G2E3: variants seen among roughly 807,000 people sequenced by gnomAD.
The protein encoded by G2E3 is G2/M phase-specific E3 ubiquitin-protein ligase.
A neutral mutation model predicts 92.8 loss-of-function variants in G2E3; 35 were observed. That is an observed-to-expected ratio of 0.38 (90% CI 0.29 to 0.50). The LOEUF is 0.50. Ranked by LOEUF, G2E3 falls within the 20% of genes least tolerant of loss-of-function variation. G2E3 has a pLI of 0.94. For missense variants in G2E3, 554 were observed against 823.8 expected (o/e 0.67, Z 4.01); for synonymous variants, 242 against 272.4 (o/e 0.89, Z 1.10).
rs61740181 is a variant in G2E3 at position 30,616,337 on chromosome 14, A to G, written c.1924A>G (p.Ile642Val). The change falls in exon 15 of 15, where the codon ATT becomes GTT. Residue 642 changes from isoleucine (I) to valine (V), a missense_variant. Physicochemically the swap from Ile to Val is conservative, Grantham distance 29. Transcript: ENST00000206595. ...TATTTTTGCAACTGGTTGCAGTTCC[A>G]TTCCTCCAGCTGGATTTAAACCCAC... ...ILIFATGCSS[I>V]PPAGFKPTPS... is the part of the protein sequence containing the mutation. 2.4e-5 allele frequency: 38 copies of G among 1,610,460 alleles called. No individual in the cohort carries two copies. The African/African-American group carries it at 4.5e-4, about 19-fold the overall frequency.
chr14:30,560,672 A>T, intron 1 of G2E3: 3 of 624,666 alleles, frequency 4.8e-6, no homozygotes, highest in South Asian at 3.7e-5. Flanking sequence ...TACCTGAATT[A>T]TTTTCATTGG....
intron 1 of G2E3, among the ~76,000 whole-genome samples, chr14:30,570,328 G>A (rs1191259426): frequency 1.3e-5 from 2 of 152,134 alleles, no homozygotes; most frequent in Non-Finnish European, 2.9e-5. Flanking sequence ...TAAAGATCTT[G>A]AGCTTCTTAA....
intron 1 of G2E3, chr14:30,573,601 C>T (rs917205990): frequency 9.2e-5 from 14 of 152,092 alleles, no homozygotes; most frequent in Admixed American, 7.9e-4. Flanking sequence ...AGCCAAACAG[C>T]TGATGGTATA....
intron 6 of G2E3, among the ~76,000 whole-genome samples, chr14:30,595,475 T>C (rs949528507): frequency 1.3e-5 from 2 of 152,208 alleles, no homozygotes; most frequent in African/African-American, 4.8e-5. Context: ...AGGCCTTTTG[T>C]GAACACTCTG....
chr14:30,569,745 G>C lies in G2E3; in HGVS notation c.-5+10473G>C, dbSNP rs531004376. On this transcript the variant is annotated intron_variant, in intron 1 of 14. Transcript: ENST00000206595. ...AGGGTTAGGACCAGCTGGTGAAGGG[G>C]GGGGATTATATTACTTACTATCTGA... 2.0e-5 allele frequency among the ~76,000 whole-genome samples: 3 copies of C among 152,208 alleles called. No homozygotes were observed. In the East Asian group the frequency reaches 5.8e-4, roughly 29 times the overall value.
At chr14:30,603,763 T>G (rs1881693506) in intron 10 of G2E3, among the ~76,000 whole-genome samples, 2 of 152,230 alleles carry the variant, frequency 1.3e-5, no homozygotes, top group Admixed American at 1.3e-4. Context: ...GAGGATCATT[T>G]GAGCCCAGGA....
intron 4 of G2E3, among the ~76,000 whole-genome samples, chr14:30,591,295 C>T (rs957667834): frequency 5.9e-5 from 9 of 152,014 alleles, no homozygotes; most frequent in South Asian, 2.1e-4. Context: ...TTTTAATTGC[C>T]GTCTTAAGGG....
intron 10 of G2E3, among the ~76,000 whole-genome samples, chr14:30,604,278 A>G (rs1159799329): frequency 6.6e-6 from 1 of 152,244 alleles, no homozygotes; most frequent in African/African-American, 2.4e-5. Context: ...GTTAATGAAG[A>G]GAGGATCATA....
chr14:30,562,247 T>C (rs1290852844), intron 1 of G2E3, among the ~76,000 whole-genome samples: 1 of 152,126 alleles, frequency 6.6e-6, no homozygotes, highest in Non-Finnish European at 1.5e-5. Flanking sequence ...AATAATAAAA[T>C]AAGAATAGTT....
rs1230252114 is a variant in G2E3, at chr14:30,596,148, G to A, written c.529-1272G>A. 5.8e-4 allele frequency among the ~76,000 whole-genome samples: 82 copies of A among 141,278 alleles called. 1 individual carries two copies. Among genetic ancestry groups the A allele is most frequent in the Non-Finnish European group, 2.1e-4 (13 of 62,580 alleles). The allele number at this position is 141,278 out of a possible 152,430, so 92.7% of individuals were successfully genotyped here. A position where few individuals can be genotyped will look rare whatever the true frequency, so the allele number is the denominator to read the frequency against. On this transcript the variant is annotated intron_variant, in intron 6 of 14. Coordinates refer to ENST00000206595, the MANE Select transcript of G2E3 (RefSeq NM_017769.5). ...TGGGTGGGTGTGCGTGTGTGTGTGT[G>A]TGTGTGTGTGTGTGTGTCACTTGCT...
At chr14:30,561,174 A>G (rs1348344771) in intron 1 of G2E3, among the ~76,000 whole-genome samples, 3 of 152,244 alleles carry the variant, frequency 2.0e-5, no homozygotes, top group Non-Finnish European at 4.4e-5. Flanking sequence ...ACCGCATCAC[A>G]TACATTCTCT....
chr14:30,567,923 T>G (rs1594461989), intron 1 of G2E3, among the ~76,000 whole-genome samples: 1 of 152,176 alleles, frequency 6.6e-6, no homozygotes, highest in Non-Finnish European at 1.5e-5. Context: ...ATTTCAGTCT[T>G]GTAAAATGTA....
chr14:30,591,281 A>G (rs993276987), intron 4 of G2E3, among the ~76,000 whole-genome samples: 1 of 152,108 alleles, frequency 6.6e-6, no homozygotes, highest in Non-Finnish European at 1.5e-5. Flanking sequence ...TGAATCAGTG[A>G]CCATTTTAAT....
At chr14:30,607,335 A>G (rs1881876664) in intron 11 of G2E3, among the ~76,000 whole-genome samples, 1 of 152,134 alleles carries the variant, frequency 6.6e-6, no homozygotes, top group East Asian at 1.9e-4. Flanking sequence ...ATCATAAAGT[A>G]TACTTACGCA....
Position 30,598,392 on chromosome 14 carries a change from C to CA in G2E3, c.636-84dup, listed in dbSNP as rs549877756. On this transcript the variant is annotated intron_variant, in intron 7 of 14. Coordinates refer to ENST00000206595, the MANE Select transcript of G2E3 (RefSeq NM_017769.5). ...AAAGAGCAAGACTGCGTCTCAAGAA[C>CA]AAAAAAAGGTTTTTATTTTTAGATT... 262 of 894,978 alleles carry CA rather than the reference C, an allele frequency of 2.9e-4. 1 individual carries two copies. In the East Asian group the frequency reaches 6.2e-3, roughly 21 times the overall value. The allele number at this position is 894,978 out of a possible 1,614,324, so 55.4% of individuals were successfully genotyped here. A position where few individuals can be genotyped will look rare whatever the true frequency, so the allele number is the denominator to read the frequency against.
rs149765880 is a variant in G2E3 at position 30,595,906 on chromosome 14, A to G, written c.529-1514A>G. Among the ~76,000 whole-genome samples, 319 of 152,222 alleles carry G rather than the reference A, an allele frequency of 2.1e-3. 9 individuals are homozygous for G. The East Asian group carries it at 0.049, about 23-fold the overall frequency. On this transcript the variant is annotated intron_variant, in intron 6 of 14. Transcript: ENST00000206595. ...ACTCTGTGTCTACAGAATTGTCACT[A>G]TTTTTGTTCAGCTTGGATTTTTCCA...
intron 8 of G2E3, among the ~76,000 whole-genome samples, chr14:30,601,348 G>C (rs1253806462): frequency 6.6e-6 from 1 of 152,116 alleles, no homozygotes; most frequent in African/African-American, 2.4e-5. Flanking sequence ...CAATACCTGA[G>C]GTGTTTGAGC....
At chr14:30,563,708 TG>T (rs1879261364) in intron 1 of G2E3, among the ~76,000 whole-genome samples, 1 of 136,248 alleles carries the variant, frequency 7.3e-6, no homozygotes. Flanking sequence ...TGTGTGTGTG[TG>T]TGTGTGTGTG....
rs1222337002 is a variant in G2E3 at position 30,599,972 on chromosome 14, T to C, written c.752+1373T>C. Among the ~76,000 whole-genome samples, 4 of 152,226 alleles carry C rather than the reference T, an allele frequency of 2.6e-5. No individual in the cohort carries two copies. In the East Asian group the frequency reaches 5.8e-4, roughly 22 times the overall value. Reference sequence around the variant, plus strand: ...TGTAATGTCAGTGGATACGGCTCTTTTCTACAACAGTCATTTTGTGCATTT... The same window carrying C: ...TGTAATGTCAGTGGATACGGCTCTTCTCTACAACAGTCATTTTGTGCATTT... On this transcript the variant is annotated intron_variant, in intron 8 of 14. Coordinates refer to ENST00000206595, the MANE Select transcript of G2E3 (RefSeq NM_017769.5).
Sources: allele counts gnomAD v4.1 joint callset (sites outside exome capture counted in the v4.1 genomes callset), GRCh38; gene constraint gnomAD v4.1.1; transcripts MANE v1.5; gene names NCBI Gene and HGNC (gene_info 2026-07-23, HGNC 2026-07-21).